TMEM132B: variants seen among roughly 807,000 people sequenced by gnomAD.
TMEM132B encodes the protein transmembrane protein 132B.
A neutral mutation model predicts 90.8 loss-of-function variants in TMEM132B; 18 were observed. That is an observed-to-expected ratio of 0.20 (90% CI 0.14 to 0.29). TMEM132B has a LOEUF of 0.29. Among genes scored for constraint, TMEM132B ranks in the 10% least tolerant of loss-of-function variants. The pLI is 1.00. For synonymous variants in TMEM132B, 504 were observed against 523.3 expected, an observed-to-expected ratio of 0.96 and a Z score of 0.50; for missense variants, 1,096 against 1,326.8, an observed-to-expected ratio of 0.83 and a Z score of 2.70.
chr12:125,528,114 A>AAATGCT (rs1358828281), intron 4 of TMEM132B, among the ~76,000 whole-genome samples: 2 of 151,880 alleles, frequency 1.3e-5, no homozygotes, highest in African/African-American at 4.9e-5. Flanking sequence ...CGTGGCTAAG[A>AAATGCT]AATGCTAACA....
Position 125,319,116 on chromosome 12 carries a change from G to A in TMEM132B, c.68-30336G>A, listed in dbSNP as rs78181505. On this transcript the variant is annotated intron_variant, in intron 1 of 8. Transcript: ENST00000682704. ...TCCTGGTGAACCTTGGATAAGAGTT[G>A]TGTCCTCTCTGAATGTCAGTTTCCT... Among the ~76,000 whole-genome samples, 763 of 152,320 alleles carry A rather than the reference G, an allele frequency of 5.0e-3. 10 individuals carry two copies. The highest frequency in any genetic ancestry group is 0.017 in the African/African-American group (710 of 41,568).
At chr12:125,382,383 G>A (rs913713205) in intron 2 of TMEM132B, among the ~76,000 whole-genome samples, 12 of 152,164 alleles carry the variant, frequency 7.9e-5, no homozygotes, top group African/African-American at 2.2e-4. Context: ...ACAGAATGAT[G>A]ATTCTGAACA....
rs4991362 is a variant in TMEM132B at position 125,513,188 on chromosome 12, C to T, written c.1107-6251C>T. Among the ~76,000 whole-genome samples, 1,376 of 151,302 alleles carry T rather than the reference C, an allele frequency of 9.1e-3. 10 individuals are homozygous for T. The highest frequency in any genetic ancestry group is 0.034 in the Middle Eastern group (10 of 292). On this transcript the variant is annotated intron_variant, in intron 3 of 8. Coordinates refer to ENST00000682704, the MANE Select transcript of TMEM132B (RefSeq NM_001366854.1). ...ACTCGGCACATGCTCCTCTGAGACC[C>T]GCTCAAACTGTGTTTAACACTCTTC...
intron 2 of TMEM132B, among the ~76,000 whole-genome samples, chr12:125,377,605 G>A (rs1016528822): frequency 6.6e-6 from 1 of 152,114 alleles, no homozygotes; most frequent in Non-Finnish European, 1.5e-5. Flanking sequence ...TCAGAACAGG[G>A]CCTGGCTCAG....
chr12:125,611,556 T>G (rs1885827368), intron 5 of TMEM132B, among the ~76,000 whole-genome samples: 1 of 152,112 alleles, frequency 6.6e-6, no homozygotes, highest in African/African-American at 2.4e-5. Context: ...TCTTACTGTT[T>G]CCATGTAAAC....
At chr12:125,394,045 GA>G (rs1475054330) in intron 2 of TMEM132B, among the ~76,000 whole-genome samples, 2 of 152,188 alleles carry the variant, frequency 1.3e-5, no homozygotes, top group African/African-American at 4.8e-5. Flanking sequence ...GGGGCAAACA[GA>G]GAACAACCCA....
intron 4 of TMEM132B, among the ~76,000 whole-genome samples, chr12:125,556,179 T>G (rs1592991263): frequency 6.6e-6 from 1 of 152,368 alleles, no homozygotes; most frequent in East Asian, 1.9e-4. Context: ...ACTCATCTCC[T>G]CAGTTAACTG....
chr12:125,593,805 A>G (rs560850267), intron 5 of TMEM132B, among the ~76,000 whole-genome samples: 1 of 152,232 alleles, frequency 6.6e-6, no homozygotes, highest in Non-Finnish European at 1.5e-5. Flanking sequence ...AGTAGATCAC[A>G]TAATTATAAG....
chr12:125,318,118 A>G (rs191687662), intron 1 of TMEM132B, among the ~76,000 whole-genome samples: 2 of 152,314 alleles, frequency 1.3e-5, no homozygotes, highest in Non-Finnish European at 2.9e-5. Flanking sequence ...GTACAATGCT[A>G]TTTATATAAA....
chr12:125,272,196 C>A (rs1874856043), intron 1 of TMEM132B, among the ~76,000 whole-genome samples: 1 of 152,200 alleles, frequency 6.6e-6, no homozygotes, highest in Non-Finnish European at 1.5e-5. Context: ...TTCCTGAAAA[C>A]CTTTTTGTAA....
At chr12:125,519,265 T>G (rs1377718940) in intron 3 of TMEM132B, among the ~76,000 whole-genome samples, 174 bp from the exon 4 acceptor site, 3 of 152,220 alleles carry the variant, frequency 2.0e-5, no homozygotes, top group African/African-American at 7.2e-5. Context: ...TTCTGAGGTG[T>G]GGGCTGCTGA....
chr12:125,208,747 G>T (rs186248408), intron 1 of TMEM132B, among the ~76,000 whole-genome samples: 1 of 152,300 alleles, frequency 6.6e-6, no homozygotes. Flanking sequence ...TGAGATGGCC[G>T]CGTGGTAGAA....
chr12:125,627,776 T>G (rs944951799), intron 5 of TMEM132B, among the ~76,000 whole-genome samples: 1 of 152,132 alleles, frequency 6.6e-6, no homozygotes, highest in Non-Finnish European at 1.5e-5. Context: ...CTTTCTATCA[T>G]TTTGTATCCA....
At chr12:125,280,961 A>G (rs1160888337) in intron 1 of TMEM132B, among the ~76,000 whole-genome samples, 2 of 152,240 alleles carry the variant, frequency 1.3e-5, no homozygotes, top group Non-Finnish European at 2.9e-5. Flanking sequence ...TTCAGAGCAA[A>G]TGAAAGTGAT....
intron 1 of TMEM132B, among the ~76,000 whole-genome samples, chr12:125,288,898 C>G (rs558100793): frequency 3.3e-5 from 5 of 152,184 alleles, no homozygotes; most frequent in African/African-American, 1.2e-4. Context: ...GTAAATTTAC[C>G]CCAGGCTGCT....
chr12:125,350,571 A>T (rs145849797), intron 2 of TMEM132B, among the ~76,000 whole-genome samples: 70 of 152,304 alleles, frequency 4.6e-4, no homozygotes, highest in African/African-American at 1.6e-3. Context: ...AGAATGAGGG[A>T]TGGGGAAGAG....
intron 5 of TMEM132B, among the ~76,000 whole-genome samples, chr12:125,604,881 C>T (rs1237773398): frequency 1.3e-5 from 2 of 152,194 alleles, no homozygotes. Flanking sequence ...GGCATGTAGC[C>T]AGGTTCCATG....
intron 1 of TMEM132B, among the ~76,000 whole-genome samples, chr12:125,216,762 C>T (rs1873446518): frequency 6.6e-6 from 1 of 152,184 alleles, no homozygotes; most frequent in Non-Finnish European, 1.5e-5. Flanking sequence ...TTGGGGAGTG[C>T]AGCCGTGGGG....
chr12:125,265,944 C>T lies in TMEM132B; in HGVS notation c.67+79078C>T, dbSNP rs187052290. On this transcript the variant is annotated intron_variant, in intron 1 of 8. Coordinates refer to ENST00000682704, the MANE Select transcript of TMEM132B (RefSeq NM_001366854.1). The stretch of plus-strand genomic sequence containing the variant: ...AAAGGATTATATATTAAAAAAAACC[C>T]CAGGCCAGGCGTGGTGGCTCACGCC... Among the ~76,000 whole-genome samples, 112 of 152,074 alleles carry T rather than the reference C, an allele frequency of 7.4e-4. No homozygotes were observed. The Middle Eastern group carries it at 0.014, about 18-fold the overall frequency.
Sources: gnomAD v4.1 joint callset for allele counts (sites outside exome capture counted in the v4.1 genomes callset) on GRCh38, gnomAD v4.1.1 for gene constraint, MANE v1.5 for transcripts, NCBI Gene and HGNC (gene_info 2026-07-23, HGNC 2026-07-21) for gene names.